Variants in PLXNA4 observed in about 807,000 individuals in gnomAD.
The protein encoded by PLXNA4 is plexin A4, also known as plexin-A4.
Under a neutral mutation model 191.8 loss-of-function variants are expected in PLXNA4, and 44 were observed. The ratio of observed to expected loss-of-function variants is 0.23; its 90% CI spans 0.18 to 0.29. PLXNA4 has a LOEUF of 0.29. Among genes scored for constraint, PLXNA4 ranks in the 10% least tolerant of loss-of-function variants. The pLI, the probability that PLXNA4 is intolerant of heterozygous loss-of-function variation, is 1.00. For synonymous variants in PLXNA4, 1,082 were observed against 1,009.5 expected (o/e 1.07, Z -1.36); for missense variants, 1,800 against 2,488.8 (o/e 0.72, Z 5.89).
At chr7:132,397,679 TATG>T (rs751249398) in intron 3 of PLXNA4, among the ~76,000 whole-genome samples, 1 of 152,196 alleles carries the variant, frequency 6.6e-6, no homozygotes, top group African/African-American at 2.4e-5. Flanking sequence ...CCACCTGAAA[TATG>T]ATGCTCTCCT....
At chr7:132,441,361 G>C (rs1795692545) in intron 3 of PLXNA4, among the ~76,000 whole-genome samples, 1 of 152,182 alleles carries the variant, frequency 6.6e-6, no homozygotes, top group Admixed American at 6.5e-5. Flanking sequence ...GTAAGGGGAG[G>C]CTGATAGCTC....
At chr7:132,393,467 G>A (rs1212560599) in intron 3 of PLXNA4, among the ~76,000 whole-genome samples, 2 of 152,042 alleles carry the variant, frequency 1.3e-5, no homozygotes, top group African/African-American at 4.8e-5. Context: ...CCTGGATTTG[G>A]GCATGGCTGA....
chr7:132,398,159 TCA>T (rs1299728377), intron 3 of PLXNA4, among the ~76,000 whole-genome samples: 9 of 152,374 alleles, frequency 5.9e-5, no homozygotes, highest in African/African-American at 1.9e-4. Context: ...CCTTGGTGTC[TCA>T]GTTTCCTTAT....
chr7:132,418,628 A>G (rs1794743359), intron 3 of PLXNA4, among the ~76,000 whole-genome samples: 1 of 152,210 alleles, frequency 6.6e-6, no homozygotes, highest in Admixed American at 6.5e-5. Flanking sequence ...GGAGAAAGGA[A>G]GAGGAAAGCA....
In PLXNA4 at chr7:132,161,711, G is replaced by A. The variant is rs974332661; in HGVS notation, c.4501-2079C>T. On this transcript the variant is annotated intron_variant, in intron 24 of 31. Transcript: ENST00000321063. Reference sequence around the variant, plus strand: ...GCACCTAGCACCCTGGCAGGCTCCCGGGCGGGCACCTAGCGCTCTGGCAGG... The same window carrying A: ...GCACCTAGCACCCTGGCAGGCTCCCAGGCGGGCACCTAGCGCTCTGGCAGG... Among the ~76,000 whole-genome samples the A allele has an allele frequency of 5.3e-5, 8 of 150,668 alleles. No individual in the cohort carries two copies. The South Asian group carries it at 6.3e-4, about 12-fold the overall frequency.
intron 1 of PLXNA4, among the ~76,000 whole-genome samples, chr7:132,537,181 C>T (rs758125958): frequency 4.3e-4 from 65 of 152,164 alleles, no homozygotes; most frequent in Non-Finnish European, 7.3e-4. Flanking sequence ...TCTGAGACCA[C>T]GCCGTCCACA....
At chr7:132,561,503 ACCT>A (rs1274779821) in intron 1 of PLXNA4, among the ~76,000 whole-genome samples, 11 of 18,510 alleles carry the variant, frequency 5.9e-4, no homozygotes, top group South Asian at 2.3e-3. Flanking sequence ...CTCCTCCCCC[ACCT>A]CCTCCTCCTC....
At chr7:132,276,468 C>T (rs946805131) in intron 4 of PLXNA4, among the ~76,000 whole-genome samples, 2 of 152,008 alleles carry the variant, frequency 1.3e-5, no homozygotes, top group African/African-American at 4.8e-5. Flanking sequence ...TTTCCCTTGG[C>T]GCCCTGCCTG....
intron 2 of PLXNA4, among the ~76,000 whole-genome samples, chr7:132,599,679 TC>T (rs1280971044): frequency 2.0e-5 from 3 of 151,888 alleles, no homozygotes; most frequent in South Asian, 2.1e-4. Context: ...TTTAGACTTC[TC>T]CCCCTTTTTT....
chr7:132,452,854 C>T (rs1402627342), intron 3 of PLXNA4, among the ~76,000 whole-genome samples: 1 of 152,148 alleles, frequency 6.6e-6, no homozygotes, highest in African/African-American at 2.4e-5. Context: ...GACCTTGGGT[C>T]ACCACACACC....
chr7:132,134,334 A>G (rs1795053197), intron 30 of PLXNA4, among the ~76,000 whole-genome samples: 1 of 152,044 alleles, frequency 6.6e-6, no homozygotes, highest in African/African-American at 2.4e-5. Flanking sequence ...CCTGACCTCT[A>G]ACTGTTCCCA....
Position 132,181,608 on chromosome 7 carries a change from G to T in PLXNA4, c.3265C>A (p.Leu1089Met). Residue 1089 changes from leucine (L) to methionine (M), a missense_variant, in exon 18 of 32, where the codon CTG (leucine) becomes ATG (methionine). Leu to Met is a conservative substitution (Grantham distance 15). This residue lies in a region of PLXNA4 where 1,397 missense variants were observed against 1,880.4 expected (regional missense o/e 0.74). Transcript: ENST00000321063. ...TGACAGGTCATCTCAGTAGCGTTCA[G>T]AACCTCACAGATCTGTGGGAGGAGC... ...GKEHINICEV[L>M]NATEMTCQAP... 6.2e-7 allele frequency: 1 copy of T among 1,614,134 alleles called. No individual in the cohort carries two copies. Among genetic ancestry groups the T allele is most frequent in the Non-Finnish European group, 8.5e-7 (1 of 1,180,006 alleles).
chr7:132,392,922 C>T (rs1793571293), intron 3 of PLXNA4, among the ~76,000 whole-genome samples: 1 of 152,168 alleles, frequency 6.6e-6, no homozygotes, highest in South Asian at 2.1e-4. Context: ...TCCCTGTGTC[C>T]ATCTGAGCAC....
intron 21 of PLXNA4, among the ~76,000 whole-genome samples, chr7:132,172,840 G>A (rs1322278078): frequency 6.6e-6 from 1 of 151,874 alleles, no homozygotes; most frequent in Non-Finnish European, 1.5e-5. Flanking sequence ...CATGAAGAAA[G>A]GAGAATAACT....
At chr7:132,315,826 G>A (rs1723665072) in intron 3 of PLXNA4, among the ~76,000 whole-genome samples, 1 of 152,220 alleles carries the variant, frequency 6.6e-6, no homozygotes, top group Non-Finnish European at 1.5e-5. Flanking sequence ...CATGAGCAAA[G>A]GCAGAGATGG....
chr7:132,353,794 G>A (rs183996120), intron 3 of PLXNA4, among the ~76,000 whole-genome samples: 7 of 152,108 alleles, frequency 4.6e-5, no homozygotes, highest in Non-Finnish European at 1.0e-4. Flanking sequence ...ACTTGAGGTG[G>A]GGGGCAAGCA....
chr7:132,142,641 T>C (rs1216053747), intron 29 of PLXNA4, among the ~76,000 whole-genome samples: 1 of 152,154 alleles, frequency 6.6e-6, no homozygotes, highest in Non-Finnish European at 1.5e-5. Flanking sequence ...TGTTTGGCGG[T>C]GTTTGCTTCA....
intron 2 of PLXNA4, among the ~76,000 whole-genome samples, chr7:132,616,809 G>A (rs947497122): frequency 6.6e-5 from 10 of 152,134 alleles, no homozygotes; most frequent in Admixed American, 3.3e-4. Context: ...CCTTTCACGG[G>A]TCATCTCTGT....
intron 30 of PLXNA4, among the ~76,000 whole-genome samples, chr7:132,134,374 C>A (rs1358143714): frequency 6.6e-6 from 1 of 152,154 alleles, no homozygotes; most frequent in Non-Finnish European, 1.5e-5. Flanking sequence ...TGAAGACTGG[C>A]AGAGATGGTT....
Sources: allele counts gnomAD v4.1 joint callset (sites outside exome capture counted in the v4.1 genomes callset), GRCh38; gene constraint gnomAD v4.1.1; regional missense constraint gnomAD v4.1.1; transcripts MANE v1.5; gene names NCBI Gene and HGNC (gene_info 2026-07-23, HGNC 2026-07-21).